CRIM1: variants seen among roughly 807,000 people sequenced by gnomAD.
CRIM1 encodes cysteine rich transmembrane BMP regulator 1.
CRIM1 carries 32 observed loss-of-function variants against 116.4 expected under a neutral mutation model. The observed-to-expected ratio is 0.27, with a 90% CI of 0.21 to 0.37. The LOEUF (loss-of-function observed/expected upper bound fraction) is 0.37. Ranked by LOEUF, CRIM1 falls within the 10% of genes least tolerant of loss-of-function variation. CRIM1 has a pLI of 1.00. For synonymous variants in CRIM1, 590 were observed against 509.2 expected (o/e 1.16, Z -2.13); for missense variants, 1,331 against 1,354.8 (o/e 0.98, Z 0.28).
intron 2 of CRIM1, among the ~76,000 whole-genome samples, chr2:36,398,707 CA>C (rs1672214164): frequency 6.6e-6 from 1 of 152,278 alleles, no homozygotes; most frequent in South Asian, 2.1e-4. Context: ...CTTCTACAAA[CA>C]GTGCTTTGTT....
chr2:36,485,825 G>C (rs1679777382), intron 7 of CRIM1, among the ~76,000 whole-genome samples: 1 of 152,122 alleles, frequency 6.6e-6, no homozygotes, highest in African/African-American at 2.4e-5. Flanking sequence ...AGTAAGCCAA[G>C]AATAATAAAA....
At chr2:36,390,577 T>G (rs982709051) in intron 1 of CRIM1, among the ~76,000 whole-genome samples, 1 of 152,058 alleles carries the variant, frequency 6.6e-6, no homozygotes, top group African/African-American at 2.4e-5. Context: ...TATGGGGGTT[T>G]TTTGTTTGTT....
At chr2:36,396,153 C>A (rs780701176) in intron 1 of CRIM1, among the ~76,000 whole-genome samples, 2 of 152,074 alleles carry the variant, frequency 1.3e-5, no homozygotes, top group African/African-American at 4.8e-5. Flanking sequence ...CAAGTAATCC[C>A]CGTGCCTTGG....
chr2:36,411,162 A>G (rs1242359329), intron 2 of CRIM1, among the ~76,000 whole-genome samples: 8 of 152,240 alleles, frequency 5.3e-5, no homozygotes, highest in Admixed American at 5.2e-4. Flanking sequence ...TAATTACAAT[A>G]GGACCTTCAG....
chr2:36,436,430 A>G (rs1234758011), intron 2 of CRIM1, among the ~76,000 whole-genome samples: 2 of 152,242 alleles, frequency 1.3e-5, no homozygotes, highest in Non-Finnish European at 2.9e-5. Context: ...TAACTTCACA[A>G]TTTGAAGGCT....
At position 36,474,847 on chromosome 2, in the gene CRIM1, C is replaced by CAAAAAA. The variant is rs56084308; in HGVS notation, c.992-2028_992-2023dup. 2.5e-3 allele frequency among the ~76,000 whole-genome samples: 231 copies of CAAAAAA among 90,658 alleles called. 8 individuals are homozygous for CAAAAAA. Among genetic ancestry groups the CAAAAAA allele is most frequent in the African/African-American group, 4.8e-3 (109 of 22,606 alleles). The allele number at this position is 90,658 out of a possible 152,430, so 59.5% of individuals were successfully genotyped here. On this transcript the variant is annotated intron_variant, in intron 5 of 16. Transcript: ENST00000280527. The stretch of plus-strand genomic sequence containing the variant: ...TGGGTGACAGAGTGAGACTCTATAT[C>CAAAAAA]AAAAAAAAAAAAAAAAAAAGACTTT...
At chr2:36,499,113 C>T (rs950359584) in intron 7 of CRIM1, 106 bp from the exon 8 acceptor site, 20 of 809,064 alleles carry the variant, frequency 2.5e-5, no homozygotes, top group Non-Finnish European at 3.7e-5. Context: ...ATGACAATTA[C>T]TGATTTGATT....
rs1055091084 is a variant in CRIM1, at chr2:36,499,861, C to A, written c.1501+514C>A. Among the ~76,000 whole-genome samples the A allele has an allele frequency of 7.2e-5, 11 of 152,110 alleles. No individual in the cohort carries two copies. In the South Asian group the frequency reaches 1.9e-3, roughly 26 times the overall value. On this transcript the variant is annotated intron_variant, in intron 8 of 16. Transcript: ENST00000280527. The stretch of plus-strand genomic sequence containing the variant: ...ATAAAATAATACACACACACCCCAC[C>A]CCCATATATGTTAAAACCATTTCGA...
intron 4 of CRIM1, among the ~76,000 whole-genome samples, chr2:36,455,475 G>C (rs902183643): frequency 6.6e-6 from 1 of 152,172 alleles, no homozygotes; most frequent in Non-Finnish European, 1.5e-5. Context: ...CTTACTCAAG[G>C]TCACATAGTT....
Position 36,471,769 on chromosome 2 carries a change from A to G in CRIM1, c.992-5120A>G, listed in dbSNP as rs549360585. Among the ~76,000 whole-genome samples the G allele has an allele frequency of 5.8e-3, 837 of 145,096 alleles. 8 individuals are homozygous for G. Among genetic ancestry groups the G allele is most frequent in the African/African-American group, 0.02 (803 of 39,528 alleles). ...CACACACACACACACACCATCTTAC[A>G]ATGTTTTAAGAAAGTTTGCATTCAA... On this transcript the variant is annotated intron_variant, in intron 5 of 16. Coordinates refer to ENST00000280527, the MANE Select transcript of CRIM1 (RefSeq NM_016441.3).
chr2:36,363,685 CTTAATT>C (rs1669400202), intron 1 of CRIM1, among the ~76,000 whole-genome samples: 1 of 109,720 alleles, frequency 9.1e-6, no homozygotes, highest in East Asian at 3.1e-4. Context: ...ATTAAAAATA[CTTAATT>C]TGGGGAGGAG....
At position 36,396,814 on chromosome 2, in the gene CRIM1, C is replaced by T. The variant is rs758603380; in HGVS notation, c.505+27C>T. 4 of 1,581,848 alleles carry T rather than the reference C, an allele frequency of 2.5e-6. No homozygotes were observed. The Admixed American group carries it at 6.7e-5, about 27-fold the overall frequency. Reference sequence around the variant, plus strand: ...TAAGCATTAATTTTTGTTAACCATCCAGTCGTAAGCCTTAGCATTATGTAA... The same window carrying T: ...TAAGCATTAATTTTTGTTAACCATCTAGTCGTAAGCCTTAGCATTATGTAA... On this transcript the variant is annotated intron_variant, in intron 2 of 16. Coordinates refer to ENST00000280527, the MANE Select transcript of CRIM1 (RefSeq NM_016441.3).
intron 5 of CRIM1, among the ~76,000 whole-genome samples, 188 bp from the exon 6 acceptor site, chr2:36,476,701 G>A (rs965881047): frequency 2.6e-5 from 4 of 152,174 alleles, no homozygotes; most frequent in African/African-American, 7.2e-5. Flanking sequence ...GGATAACAGT[G>A]TGTTTTATTT....
chr2:36,383,182 A>T (rs17018663), intron 1 of CRIM1, among the ~76,000 whole-genome samples: 8,654 of 152,240 alleles, frequency 0.057, 474 homozygotes, highest in African/African-American at 0.15. Flanking sequence ...AAAAGGACTG[A>T]GTGATGCATA....
intron 1 of CRIM1, among the ~76,000 whole-genome samples, chr2:36,358,248 C>A (rs1668989223): frequency 6.6e-6 from 1 of 152,260 alleles, no homozygotes; most frequent in South Asian, 2.1e-4. Context: ...ACTTCTGATA[C>A]CATTGTATGT....
chr2:36,493,652 A>C (rs1419121325), intron 7 of CRIM1, among the ~76,000 whole-genome samples: 1 of 152,184 alleles, frequency 6.6e-6, no homozygotes, highest in Non-Finnish European at 1.5e-5. Context: ...CACATTTCTC[A>C]AAGGAGATAA....
chr2:36,383,029 G>A (rs1341193562), intron 1 of CRIM1, among the ~76,000 whole-genome samples: 3 of 152,172 alleles, frequency 2.0e-5, no homozygotes, highest in African/African-American at 7.2e-5. Flanking sequence ...CAAATTGTGA[G>A]CTTTGTCATT....
At chr2:36,494,182 T>C (rs1572864271) in intron 7 of CRIM1, among the ~76,000 whole-genome samples, 2 of 152,368 alleles carry the variant, frequency 1.3e-5, no homozygotes, top group African/African-American at 4.8e-5. Flanking sequence ...TTTAACTTTA[T>C]ATTTTTAATC....
At position 36,486,250 on chromosome 2, in the gene CRIM1, T is replaced by C. The variant is rs555583682; in HGVS notation, c.1372+6556T>C. Among the ~76,000 whole-genome samples the C allele has an allele frequency of 4.9e-4, 74 of 152,346 alleles. 1 individual carries two copies. Among genetic ancestry groups the C allele is most frequent in the Non-Finnish European group, 1.5e-4 (10 of 68,036 alleles). On this transcript the variant is annotated intron_variant, in intron 7 of 16. Transcript: ENST00000280527. Reference sequence around the variant, plus strand: ...TTTCTTTACATGTTAGATCCACCACTTACATTAATAGTTAAACAAGTGTAG... The same window carrying C: ...TTTCTTTACATGTTAGATCCACCACCTACATTAATAGTTAAACAAGTGTAG...
Sources: gnomAD v4.1 joint callset for allele counts (sites outside exome capture counted in the v4.1 genomes callset) on GRCh38, gnomAD v4.1.1 for gene constraint, MANE v1.5 for transcripts, NCBI Gene and HGNC (gene_info 2026-07-23, HGNC 2026-07-21) for gene names.